SMTN: variants seen among roughly 807,000 people sequenced by gnomAD.
SMTN encodes smoothelin.
Under a neutral mutation model 102.0 loss-of-function variants are expected in SMTN, and 58 were observed. That is an observed-to-expected ratio of 0.57 (90% CI 0.46 to 0.71). SMTN has a LOEUF of 0.71. SMTN is among the 30% of genes least tolerant of loss of function. SMTN has a pLI of 0.00. For missense variants in SMTN, 1,185 were observed against 1,241.7 expected (o/e 0.95, Z 0.69); for synonymous variants, 478 against 497.9 (o/e 0.96, Z 0.53).
At chr22:31,072,977 A>G (rs1403361734) in intron 1 of SMTN, among the ~76,000 whole-genome samples, 1 of 143,462 alleles carries the variant, frequency 7.0e-6, no homozygotes, top group East Asian at 2.0e-4. Flanking sequence ...AAGCTAACAC[A>G]TGGTAGGTGC....
In SMTN at chr22:31,098,945, G is replaced by C. The variant is rs2043850629; in HGVS notation, c.2333+105G>C. ...CAGAGGCGGGAAGACCGCGCGGCTA[G>C]ATCTGTGGTGCAAAGGCCCGAAGGT... is the stretch of plus-strand genomic sequence containing the variant. On this transcript the variant is annotated intron_variant, in intron 17 of 20. Coordinates refer to ENST00000333137, the MANE Select transcript of SMTN (RefSeq NM_134269.3). 1.5e-5 allele frequency: 23 copies of C among 1,549,582 alleles called. No homozygotes were observed. The East Asian group carries it at 4.9e-4, about 33-fold the overall frequency.
At chr22:31,098,589 C>CG in intron 16 of SMTN, 78 bp from the exon 17 acceptor site, 6 of 1,270,298 alleles carry the variant, frequency 4.7e-6, no homozygotes, top group Non-Finnish European at 6.7e-6. Flanking sequence ...AAGACCCCCC[C>CG]TCCTCCTCGC....
chr22:31,087,929 G>A (rs1354162178), intron 2 of SMTN, 36 bp from the exon 3 acceptor site: 1 of 1,544,872 alleles, frequency 6.5e-7, no homozygotes. Flanking sequence ...TCCGCCCCTG[G>A]CAGCCAAAAT....
chr22:31,085,434 G>C (rs536107391), intron 2 of SMTN: 1 of 739,510 alleles, frequency 1.4e-6, no homozygotes, highest in Non-Finnish European at 2.1e-6. Context: ...AGCCTGGAGA[G>C]CCCCCTCCGT....
chr22:31,097,806 G>A (rs1252544872), intron 16 of SMTN, among the ~76,000 whole-genome samples: 2 of 152,150 alleles, frequency 1.3e-5, no homozygotes, highest in African/African-American at 2.4e-5. Context: ...CCAGGGAGGG[G>A]CAAAGTGAGA....
At chr22:31,079,771 TTTC>T (rs1231026993), upstream of SMTN, among the ~76,000 whole-genome samples, 1 of 152,224 alleles carries the variant, frequency 6.6e-6, no homozygotes, top group African/African-American at 2.4e-5. Context: ...GATTTTCTTT[TTTC>T]TTTTTTTGAG....
chr22:31,093,638 C>A, intron 11 of SMTN: 1 of 773,284 alleles, frequency 1.3e-6, no homozygotes. Context: ...GAGAGAGCAG[C>A]ACTGAGCCGG....
At chr22:31,092,765 T>C (rs1334942971) in intron 11 of SMTN, among the ~76,000 whole-genome samples, 1 of 152,182 alleles carries the variant, frequency 6.6e-6, no homozygotes, top group Non-Finnish European at 1.5e-5. Flanking sequence ...GAGACCTGGG[T>C]CTGACACCAC....
At chr22:31,082,646 G>C (rs543869645) in intron 1 of SMTN, 4 of 609,634 alleles carry the variant, frequency 6.6e-6, no homozygotes, top group Non-Finnish European at 1.2e-5. Flanking sequence ...CTGGACAGCA[G>C]AGCTGGCTCC....
Position 31,096,727 on chromosome 22 carries a change from G to A in SMTN, c.1862-6G>A. 1 of 1,542,552 alleles carries A rather than the reference G, an allele frequency of 6.5e-7. No individual in the cohort carries two copies. Among genetic ancestry groups the A allele is most frequent in the Non-Finnish European group, 8.7e-7 (1 of 1,150,034 alleles). On this transcript the variant is annotated splice_region_variant and splice_polypyrimidine_tract_variant and intron_variant, in intron 13 of 20. Transcript: ENST00000333137. ...TTTGCGCATGCATGGGGCATCCCCT[G>A]CCCAGACCAGCGGGACAAGGAGCGG... is the stretch of plus-strand genomic sequence containing the variant.
chr22:31,077,170 G>A (rs528367333), upstream of SMTN, among the ~76,000 whole-genome samples: 52 of 152,318 alleles, frequency 3.4e-4, 2 homozygotes, highest in South Asian at 0.01. Flanking sequence ...CACTTTGGAA[G>A]GTCAAGGCAG....
At position 31,095,702 on chromosome 22, in the gene SMTN, T is replaced by C; in HGVS notation, c.1861+93T>C. On this transcript the variant is annotated intron_variant, in intron 13 of 20. Transcript: ENST00000333137. This position sits in a 1 kb window ranked among gnomAD's most constrained non-coding sequence, Gnocchi z 4.1. ...GGGTCCATTTGTGGACACCCCAGCT[T>C]AATAACTGCCCTACCCAGCTTCTCC... The C allele has an allele frequency of 9.0e-7, 1 of 1,112,202 alleles. No individual in the cohort carries two copies. 68.9% of individuals were successfully genotyped at this position (1,112,202 alleles called of 1,614,324 possible). A position where few individuals can be genotyped will look rare whatever the true frequency, so the allele number is the denominator to read the frequency against.
chr22:31,091,288 C>T lies in SMTN; in HGVS notation c.1265C>T (p.Ala422Val). ...GAGGGCCCCAGGGGGCGGGGCTTGG[C>T]TGCTAGGCCCCTTGAAAACAGAGCA... The part of the protein sequence containing the change: ...QEEGPRGRGL[A>V]ARPLENRAGG... Residue 422 changes from alanine (A) to valine (V), a missense_variant, in exon 10 of 21, where the codon GCT becomes GTT. Transcript: ENST00000333137. 6.3e-7 allele frequency: 1 copy of T among 1,598,990 alleles called. No individual in the cohort carries two copies. Among genetic ancestry groups the T allele is most frequent in the Non-Finnish European group, 8.5e-7 (1 of 1,173,632 alleles).
chr22:31,097,650 G>A (rs11089488), intron 16 of SMTN, among the ~76,000 whole-genome samples: 49,062 of 151,622 alleles, frequency 0.32, 8,568 homozygotes, highest in Middle Eastern at 0.43. Context: ...GTTGCAGTGA[G>A]CTGAGATCAC....
At position 31,091,439 on chromosome 22, in the gene SMTN, C is replaced by T. The variant is rs777558847; in HGVS notation, c.1416C>T (p.Ala472=). 8.5e-6 allele frequency: 13 copies of T among 1,538,110 alleles called. No homozygotes were observed. The South Asian group carries it at 1.4e-4, about 17-fold the overall frequency. The change falls in exon 10 of 21, where the codon GCC becomes GCT. Residue 472 remains alanine (A), a synonymous_variant. Coordinates refer to ENST00000333137, the MANE Select transcript of SMTN (RefSeq NM_134269.3). The stretch of plus-strand genomic sequence containing the variant: ...AGATCAAGGACGGCCGTGGCCAGGC[C>T]TCCACAGGCCGGGTGCTGCTGCCCA... ...TIEIKDGRGQ[A]STGRVLLPTG... is the part of the protein sequence containing the mutation.
At position 31,099,874 on chromosome 22, in the gene SMTN, G is replaced by A. The variant is rs778347883; in HGVS notation, c.2581G>A (p.Glu861Lys). 9.9e-6 allele frequency: 16 copies of A among 1,613,892 alleles called. No homozygotes were observed. In the African/African-American group the frequency reaches 1.3e-4, roughly 13 times the overall value. Residue 861 changes from glutamate to lysine, a missense_variant, in exon 19 of 21, where the codon GAG (glutamate) becomes AAG (lysine). Transcript: ENST00000333137. ...CCCTCAGAACCGACGCCAGAACTTC[G>A]AGGTGGCCTTCTCATCTGCGGAGTA... is the stretch of plus-strand genomic sequence containing the variant. The part of the protein sequence containing the change: ...LSPQNRRQNF[E>K]VAFSSAETHA...
chr22:31,095,384 C>G lies in SMTN; in HGVS notation c.1714C>G (p.Pro572Ala), dbSNP rs748962002. 4 of 1,614,246 alleles carry G rather than the reference C, an allele frequency of 2.5e-6. No individual in the cohort carries two copies. The highest frequency in any genetic ancestry group is 2.5e-6 in the Non-Finnish European group (3 of 1,180,040). ...TGAGCAGACCCGAGTGAACAAAGCA[C>G]CAGAAGGGCGGAGCCCTCTGAGCGC... is the stretch of plus-strand genomic sequence containing the variant. ...GAEQTRVNKA[P>A]EGRSPLSAEE... The change falls in exon 12 of 21, where the codon CCA (proline) becomes GCA (alanine). Residue 572 changes from proline to alanine, a missense_variant. Pro to Ala is a conservative substitution (Grantham distance 27). Coordinates refer to ENST00000333137, the MANE Select transcript of SMTN (RefSeq NM_134269.3). This position sits in a 1 kb window ranked among gnomAD's most constrained non-coding sequence, Gnocchi z 4.1.
At chr22:31,072,084 TC>T (rs2042017547) in intron 1 of SMTN, among the ~76,000 whole-genome samples, 1 of 152,086 alleles carries the variant, frequency 6.6e-6, no homozygotes, top group South Asian at 2.1e-4. Context: ...ACATAATAAA[TC>T]CCCTTGGCCA....
chr22:31,066,535 G>A (rs940041261), intron 1 of SMTN: 6 of 152,074 alleles, frequency 3.9e-5, no homozygotes, highest in African/African-American at 1.5e-4. Context: ...TCGAACTCCT[G>A]GCTTCAAGTG....
Sources: gnomAD v4.1 joint callset for allele counts (sites outside exome capture counted in the v4.1 genomes callset) on GRCh38, gnomAD v4.1.1 for gene constraint, Gnocchi (gnomAD v3.1) non-coding constraint, MANE v1.5 for transcripts, NCBI Gene and HGNC (gene_info 2026-07-23, HGNC 2026-07-21) for gene names.